Variants in CFAP299 observed in about 807,000 individuals in gnomAD.
CFAP299 encodes cilia and flagella associated protein 299.
Under a neutral mutation model 27.0 loss-of-function variants are expected in CFAP299, and 21 were observed. That is an observed-to-expected ratio of 0.78 (90% confidence interval 0.55 to 1.12). The LOEUF (loss-of-function observed/expected upper bound fraction) is 1.12. Ranked by LOEUF, CFAP299 falls within the 50% of genes most tolerant of loss-of-function variation. The pLI, the probability that CFAP299 is intolerant of heterozygous loss-of-function variation, is 0.00. For synonymous variants in CFAP299, 104 were observed against 98.1 expected (o/e 1.06, Z -0.36); for missense variants, 310 against 276.6 (o/e 1.12, Z -0.86).
Position 80,387,525 on chromosome 4 carries a change from G to A in CFAP299, c.242+24641G>A, listed in dbSNP as rs768569034. The A allele has an allele frequency of 1.6e-5, 14 of 858,208 alleles. No individual in the cohort carries two copies. The South Asian group carries it at 1.9e-4, about 12-fold the overall frequency. The allele number at this position is 858,208 out of a possible 1,614,324, so 53.2% of individuals were successfully genotyped here. A position where few individuals can be genotyped will look rare whatever the true frequency, so the allele number is the denominator to read the frequency against. On this transcript the variant is annotated intron_variant, in intron 2 of 5. Transcript: ENST00000358105. ...CCTGGAGCTGTGGCGAGCTTGGTAG[G>A]GGCTGGCCCAACCCTGTGTTTTCCT...
At chr4:80,430,960 T>C (rs2110078250) in intron 2 of CFAP299, among the ~76,000 whole-genome samples, 1 of 149,288 alleles carries the variant, frequency 6.7e-6, no homozygotes, top group South Asian at 2.1e-4. Context: ...ACCCAAATGG[T>C]TTAGTCCCTC....
chr4:80,909,928 C>A (rs1379596283), intron 4 of CFAP299, among the ~76,000 whole-genome samples: 1 of 151,988 alleles, frequency 6.6e-6, no homozygotes, highest in Admixed American at 6.6e-5. Flanking sequence ...ATTCAAATAA[C>A]TTATAATTAA....
At chr4:80,872,812 C>G in intron 4 of CFAP299, 1 of 802,224 alleles carries the variant, frequency 1.2e-6, no homozygotes, top group Non-Finnish European at 1.5e-6. Flanking sequence ...GTGAGCTATT[C>G]TTTTTCTTGC....
In CFAP299 at chr4:80,885,576, C is replaced by T. The variant is rs574903840; in HGVS notation, c.476+15441C>T. The stretch of plus-strand genomic sequence containing the variant: ...AGGCAGAGTCCTGAGGCCTCCATTC[C>T]AGGTTCTACCTCCTAGATGACATTT... On this transcript the variant is annotated intron_variant, in intron 4 of 5. Transcript: ENST00000358105. 1.1e-3 allele frequency among the ~76,000 whole-genome samples: 170 copies of T among 152,204 alleles called. 1 individual carries two copies. The highest frequency in any genetic ancestry group is 3.7e-3 in the African/African-American group (155 of 41,538).
chr4:80,713,547 C>T (rs919517829), intron 3 of CFAP299, among the ~76,000 whole-genome samples: 1 of 152,222 alleles, frequency 6.6e-6, no homozygotes, highest in Non-Finnish European at 1.5e-5. Context: ...ACATCAGTAG[C>T]CATCAGAATT....
chr4:80,626,555 G>C (rs1288562864), intron 3 of CFAP299, among the ~76,000 whole-genome samples: 1 of 151,542 alleles, frequency 6.6e-6, no homozygotes, highest in Non-Finnish European at 1.5e-5. Flanking sequence ...TAAAATAATA[G>C]AGCCTGGAAA....
intron 3 of CFAP299, among the ~76,000 whole-genome samples, chr4:80,659,393 T>C (rs1427444570): frequency 7.9e-5 from 12 of 151,660 alleles, no homozygotes; most frequent in African/African-American, 2.7e-4. Flanking sequence ...GTAATACACA[T>C]AAGCAGCAAA....
upstream of CFAP299, among the ~76,000 whole-genome samples, chr4:80,331,957 G>A (rs760316266): frequency 2.0e-5 from 3 of 152,106 alleles, no homozygotes; most frequent in Non-Finnish European, 4.4e-5. Context: ...GGAGAAAAGG[G>A]GCTAGCAAAG....
At chr4:80,934,930 C>A in intron 4 of CFAP299, among the ~76,000 whole-genome samples, 1 of 151,670 alleles carries the variant, frequency 6.6e-6, no homozygotes, top group Non-Finnish European at 1.5e-5. Flanking sequence ...CTGAGTTTAG[C>A]TTTTTGTTTT....
intron 3 of CFAP299, among the ~76,000 whole-genome samples, chr4:80,693,288 G>T (rs1490907318): frequency 6.6e-6 from 1 of 151,798 alleles, no homozygotes; most frequent in East Asian, 1.9e-4. Flanking sequence ...CAAAGACTTG[G>T]AACCAACCCA....
chr4:80,913,581 C>T (rs1420879529), intron 4 of CFAP299, among the ~76,000 whole-genome samples: 1 of 152,094 alleles, frequency 6.6e-6, no homozygotes, highest in African/African-American at 2.4e-5. Flanking sequence ...AGGCAACTTC[C>T]TCGTTAGGCA....
chr4:80,512,801 A>ATT (rs1465100303), intron 2 of CFAP299, among the ~76,000 whole-genome samples: 3 of 152,100 alleles, frequency 2.0e-5, no homozygotes, highest in Non-Finnish European at 2.9e-5. Flanking sequence ...ATTAACTTCA[A>ATT]TTATATATAT....
At chr4:80,534,823 G>A (rs1218994857) in intron 2 of CFAP299, among the ~76,000 whole-genome samples, 2 of 152,066 alleles carry the variant, frequency 1.3e-5, no homozygotes, top group African/African-American at 4.8e-5. Context: ...TTTACAGAGT[G>A]TAAATGAATT....
intron 2 of CFAP299, among the ~76,000 whole-genome samples, chr4:80,549,761 CT>C (rs958009775): frequency 7.9e-5 from 12 of 151,894 alleles, no homozygotes; most frequent in African/African-American, 2.2e-4. Context: ...TGAATGAATT[CT>C]TTTTTTATTC....
chr4:80,414,749 T>A (rs1213429502), intron 2 of CFAP299, among the ~76,000 whole-genome samples: 2 of 152,214 alleles, frequency 1.3e-5, no homozygotes, highest in Non-Finnish European at 2.9e-5. Context: ...CATTTTATAC[T>A]TCTATTACTA....
intron 2 of CFAP299, among the ~76,000 whole-genome samples, chr4:80,580,871 G>A (rs1412144803): frequency 6.6e-6 from 1 of 151,974 alleles, no homozygotes; most frequent in African/African-American, 2.4e-5. Context: ...AAGAGACAAT[G>A]TGTGGCTATG....
intron 3 of CFAP299, among the ~76,000 whole-genome samples, chr4:80,800,096 T>C (rs1404111552): frequency 4.4e-5 from 3 of 68,064 alleles, no homozygotes; most frequent in Non-Finnish European, 7.4e-5. Context: ...ATATATATAA[T>C]ATATAATATA....
chr4:80,815,511 T>C (rs1260973962), intron 3 of CFAP299, among the ~76,000 whole-genome samples: 1 of 151,986 alleles, frequency 6.6e-6, no homozygotes, highest in Non-Finnish European at 1.5e-5. Context: ...GTGTTGAAAG[T>C]AGGAAGTACT....
At chr4:80,858,123 A>G (rs1168336122) in intron 3 of CFAP299, among the ~76,000 whole-genome samples, 5 of 152,040 alleles carry the variant, frequency 3.3e-5, no homozygotes, top group East Asian at 1.9e-4. Flanking sequence ...ACTTCTTCCT[A>G]CTTTAGTCTT....
Sources: gnomAD v4.1 joint callset for allele counts (sites outside exome capture counted in the v4.1 genomes callset) on GRCh38, gnomAD v4.1.1 for gene constraint, MANE v1.5 for transcripts, NCBI Gene and HGNC (gene_info 2026-07-23, HGNC 2026-07-21) for gene names.